FLRT2: variants seen among roughly 807,000 people sequenced by gnomAD.
FLRT2 encodes the protein leucine-rich repeat transmembrane protein FLRT2.
In FLRT2, 15 loss-of-function variants were observed where a neutral mutation model predicts 40.0. The ratio of observed to expected loss-of-function variants is 0.38; its 90% confidence interval spans 0.25 to 0.58. FLRT2 has a LOEUF of 0.58. Ranked by LOEUF, FLRT2 falls within the 20% of genes least tolerant of loss-of-function variation. The pLI is 0.71. For synonymous variants in FLRT2, 380 were observed against 336.8 expected, an observed-to-expected ratio of 1.13 and a Z score of -1.41; for missense variants, 726 against 840.0, an observed-to-expected ratio of 0.86 and a Z score of 1.68.
At chr14:85,605,536 C>T (rs999445335) in intron 1 of FLRT2, among the ~76,000 whole-genome samples, 4 of 152,068 alleles carry the variant, frequency 2.6e-5, no homozygotes, top group African/African-American at 9.7e-5. Context: ...TTTGGGAGGC[C>T]GAGGCGGACA....
chr14:85,533,479 G>T (rs1661044164), intron 1 of FLRT2, among the ~76,000 whole-genome samples: 1 of 152,048 alleles, frequency 6.6e-6, no homozygotes, highest in Non-Finnish European at 1.5e-5. Flanking sequence ...TCGGAGGAGA[G>T]CCCGCCTAGC....
intron 1 of FLRT2, among the ~76,000 whole-genome samples, chr14:85,574,541 C>A (rs1444241512): frequency 6.6e-6 from 1 of 152,086 alleles, no homozygotes; most frequent in African/African-American, 2.4e-5. Flanking sequence ...TTTTGAGAAC[C>A]ATTATACTGG....
intron 1 of FLRT2, among the ~76,000 whole-genome samples, chr14:85,549,060 A>T (rs774609573): frequency 6.6e-6 from 1 of 152,022 alleles, no homozygotes. Flanking sequence ...CCACCTTCCC[A>T]CTCCATCCCC....
At position 85,641,289 on chromosome 14, in the gene FLRT2, A is replaced by C. The variant is rs147714819; in HGVS notation, c.*17792A>C. 6.6e-6 allele frequency: 1 copy of C among 152,300 alleles called. No homozygotes were observed. Among genetic ancestry groups the C allele is most frequent in the Non-Finnish European group, 1.5e-5 (1 of 68,028 alleles). 9.4% of individuals were successfully genotyped at this position (152,300 alleles called of 1,614,324 possible). On this transcript the variant is annotated 3_prime_UTR_variant, in exon 2 of 2. Coordinates refer to ENST00000330753, the MANE Select transcript of FLRT2 (RefSeq NM_013231.6). ...TCTATATGCCTTCCTTTCTGGATAG[A>C]ATCGATCACATTTGCTGGACTCCAT... is the stretch of plus-strand genomic sequence containing the variant.
chr14:85,621,911 T>C lies in FLRT2; in HGVS notation c.397T>C (p.Leu133=), dbSNP rs142516343. The change falls in exon 2 of 2, where the codon TTG becomes CTG. Residue 133 remains leucine, a synonymous_variant. Coordinates refer to ENST00000330753, the MANE Select transcript of FLRT2 (RefSeq NM_013231.6). ...TISRAALAQL[L]KLEELHLDDN... ...TTCACGGGCTGCTCTTGCCCAGCTC[T>C]TGAAGCTTGAAGAGCTGCACCTGGA... 1.2e-6 allele frequency: 2 copies of C among 1,602,648 alleles called. No individual in the cohort carries two copies. Among genetic ancestry groups the C allele is most frequent in the Non-Finnish European group, 8.5e-7 (1 of 1,173,628 alleles).
Position 85,623,163 on chromosome 14 carries a change from C to T in FLRT2, c.1649C>T (p.Ala550Val), listed in dbSNP as rs201981148. ...PFLLAGLIGG[A>V]VIFVLVVLLS... ...CTGCTGGCGGGCTTGATCGGGGGCG[C>T]GGTGATATTTGTGCTGGTGGTCTTG... The change falls in exon 2 of 2, where the codon GCG becomes GTG. Residue 550 changes from alanine (A) to valine (V), a missense_variant. Ala to Val is a moderately conservative substitution (Grantham distance 64). This residue lies in a region of FLRT2 where 611 missense variants were observed against 690.0 expected (regional missense o/e 0.89). Coordinates refer to ENST00000330753, the MANE Select transcript of FLRT2 (RefSeq NM_013231.6). 5.7e-5 allele frequency: 90 copies of T among 1,580,700 alleles called. No homozygotes were observed. The highest frequency in any genetic ancestry group is 1.4e-4 in the Admixed American group (8 of 56,052).
At chr14:85,570,561 T>TTTTTTTTA (rs1555367330) in intron 1 of FLRT2, among the ~76,000 whole-genome samples, 3 of 139,246 alleles carry the variant, frequency 2.2e-5, no homozygotes, top group Non-Finnish European at 4.6e-5. Flanking sequence ...TTTTTATTTA[T>TTTTTTTTA]TTTATTTATT....
At chr14:85,555,689 C>CTTTTTTATTTTATTTTATTTTATTT (rs372243726) in intron 1 of FLRT2, among the ~76,000 whole-genome samples, 8,537 of 117,780 alleles carry the variant, frequency 0.072, 376 homozygotes, top group South Asian at 0.097. Context: ...TATCTGAAAT[C>CTTTTTTATTTTATTTTATTTTATTT]TATTTTATTT....
chr14:85,591,058 T>C (rs1891862005), intron 1 of FLRT2, among the ~76,000 whole-genome samples: 1 of 152,212 alleles, frequency 6.6e-6, no homozygotes, highest in African/African-American at 2.4e-5. Context: ...CACCATCTTC[T>C]ACTGTAATAC....
intron 1 of FLRT2, among the ~76,000 whole-genome samples, chr14:85,578,468 C>T (rs1891228819): frequency 6.6e-6 from 1 of 151,742 alleles, no homozygotes; most frequent in South Asian, 2.1e-4. Context: ...GCAGCAATAA[C>T]AATGGTAACT....
chr14:85,605,713 G>A (rs905907590), intron 1 of FLRT2, among the ~76,000 whole-genome samples: 1 of 152,016 alleles, frequency 6.6e-6, no homozygotes, highest in Non-Finnish European at 1.5e-5. Context: ...AGTGAGCCAG[G>A]ATCACACCAC....
rs1893859483 is a variant in FLRT2, at chr14:85,631,112, T to TTATATATATTATATATATATATATATA, written c.*7624_*7625insTATATATATATATATATATATATATAT. ...TATAATTACATATATAATCTAGATT[T>TTATATATATTATATATATATATATATA]TATATATATATATATATGAAATGAG... On this transcript the variant is annotated 3_prime_UTR_variant, in exon 2 of 2. Coordinates refer to ENST00000330753, the MANE Select transcript of FLRT2 (RefSeq NM_013231.6). 3 of 91,886 alleles carry TTATATATATTATATATATATATATATA rather than the reference T, an allele frequency of 3.3e-5. 1 individual carries two copies. Among genetic ancestry groups the TTATATATATTATATATATATATATATA allele is most frequent in the African/African-American group, 1.8e-4 (3 of 16,796 alleles). The allele number at this position is 91,886 out of a possible 1,614,324, so 5.7% of individuals were successfully genotyped here. A position where few individuals can be genotyped will look rare whatever the true frequency, so the allele number is the denominator to read the frequency against.
At chr14:85,575,556 G>T (rs1378053248) in intron 1 of FLRT2, among the ~76,000 whole-genome samples, 1 of 152,120 alleles carries the variant, frequency 6.6e-6, no homozygotes, top group African/African-American at 2.4e-5. Flanking sequence ...AGGGTAGTCA[G>T]TGGGGAAATG....
At chr14:85,558,624 C>T (rs1477680627) in intron 1 of FLRT2, among the ~76,000 whole-genome samples, 3 of 152,150 alleles carry the variant, frequency 2.0e-5, no homozygotes, top group Non-Finnish European at 2.9e-5. Flanking sequence ...AATTACAGTG[C>T]TCCTTGCTAC....
Position 85,638,076 on chromosome 14 carries a change from G to A in FLRT2, c.*14579G>A, listed in dbSNP as rs1189222432. On this transcript the variant is annotated 3_prime_UTR_variant, in exon 2 of 2. Coordinates refer to ENST00000330753, the MANE Select transcript of FLRT2 (RefSeq NM_013231.6). ...CCATTATGATGGAAGCTGGGACTAG[G>A]TGACTTATTCTAAATGTAACAATTA... The A allele has an allele frequency of 1.3e-5, 2 of 152,140 alleles. No individual in the cohort carries two copies. Among genetic ancestry groups the A allele is most frequent in the South Asian group, 2.1e-4 (1 of 4,832 alleles). The allele number at this position is 152,140 out of a possible 1,614,324, so 9.4% of individuals were successfully genotyped here. A position where few individuals can be genotyped will look rare whatever the true frequency, so the allele number is the denominator to read the frequency against.
chr14:85,648,996 C>A lies in FLRT2; in HGVS notation c.*25499C>A, dbSNP rs17647610. 2 of 151,978 alleles carry A rather than the reference C, an allele frequency of 1.3e-5. No homozygotes were observed. Among genetic ancestry groups the A allele is most frequent in the East Asian group, 3.9e-4 (2 of 5,186 alleles). 9.4% of individuals were successfully genotyped at this position (151,978 alleles called of 1,614,324 possible). On this transcript the variant is annotated 3_prime_UTR_variant, in exon 2 of 2. Transcript: ENST00000330753. ...TACCAATTCCTTTGCATCATAGCAC[C>A]CATGCAAAATATTTTGGCTACAGGG... is the stretch of plus-strand genomic sequence containing the variant.
At chr14:85,550,328 A>G (rs1167311854) in intron 1 of FLRT2, among the ~76,000 whole-genome samples, 1 of 152,198 alleles carries the variant, frequency 6.6e-6, no homozygotes, top group East Asian at 1.9e-4. Context: ...ATTTACTCTT[A>G]GAAAACCCTA....
At chr14:85,534,330 C>T (rs903959010) in intron 1 of FLRT2, among the ~76,000 whole-genome samples, 3 of 152,180 alleles carry the variant, frequency 2.0e-5, no homozygotes, top group African/African-American at 7.2e-5. Flanking sequence ...CACGCTCCCC[C>T]CTTCACACTC....
chr14:85,620,049 G>A (rs1595093861), intron 1 of FLRT2, among the ~76,000 whole-genome samples: 1 of 152,332 alleles, frequency 6.6e-6, no homozygotes, highest in East Asian at 1.9e-4. Flanking sequence ...AGGTCTCGAA[G>A]GAGGAGATAA....
Sources: gnomAD v4.1 joint callset for allele counts (sites outside exome capture counted in the v4.1 genomes callset) on GRCh38, gnomAD v4.1.1 for gene constraint, gnomAD v4.1.1 regional missense constraint, MANE v1.5 for transcripts, NCBI Gene and HGNC (gene_info 2026-07-23, HGNC 2026-07-21) for gene names.